SYTL3: variants seen among roughly 807,000 people sequenced by gnomAD.
SYTL3 encodes the protein synaptotagmin-like protein 3.
Under a neutral mutation model 82.1 loss-of-function variants are expected in SYTL3, and 88 were observed. The ratio of observed to expected loss-of-function variants is 1.07; its 90% CI spans 0.90 to 1.28. The LOEUF is 1.28. SYTL3 is among the 50% of genes most tolerant of loss of function. The pLI, the probability that SYTL3 is intolerant of heterozygous loss-of-function variation, is 0.00. For synonymous variants in SYTL3, 311 were observed against 289.4 expected (o/e 1.07, Z -0.76); for missense variants, 831 against 757.6 (o/e 1.10, Z -1.14).
intron 3 of SYTL3, among the ~76,000 whole-genome samples, chr6:158,661,792 G>A (rs1279781622): frequency 6.6e-6 from 1 of 152,164 alleles, no homozygotes; most frequent in South Asian, 2.1e-4. Context: ...CATACCACAT[G>A]ATATGTTGTA....
At chr6:158,696,848 A>G (rs1486027154) in intron 6 of SYTL3, among the ~76,000 whole-genome samples, 1 of 152,194 alleles carries the variant, frequency 6.6e-6, no homozygotes, top group African/African-American at 2.4e-5. Flanking sequence ...GGAATAGAAT[A>G]GAAAGCCTAG....
chr6:158,760,801 T>G (rs1004416578), intron 15 of SYTL3, 56 bp downstream of exon 15: 1 of 1,392,002 alleles, frequency 7.2e-7, no homozygotes. Context: ...CAGAGCCTGG[T>G]GCTGCAGGCA....
chr6:158,662,452 C>T lies in SYTL3; in HGVS notation c.-519-298C>T, dbSNP rs533558842. Among the ~76,000 whole-genome samples, 23 of 152,204 alleles carry T rather than the reference C, an allele frequency of 1.5e-4. No homozygotes were observed. The South Asian group carries it at 4.1e-3, about 27-fold the overall frequency. On this transcript the variant is annotated intron_variant, in intron 3 of 17. Coordinates refer to ENST00000611299, the MANE Select transcript of SYTL3 (RefSeq NM_001242394.2). The stretch of plus-strand genomic sequence containing the variant: ...AGTTAATGGTAAAAATAATAGCCAA[C>T]AGTTGGGAATGTCATTTTTCCAGTA...
intron 11 of SYTL3, among the ~76,000 whole-genome samples, chr6:158,740,720 G>T (rs148101653): frequency 1.3e-5 from 2 of 152,150 alleles, no homozygotes; most frequent in African/African-American, 4.8e-5. Context: ...GAAAAACTGG[G>T]ATAATTTGAG....
At chr6:158,702,801 A>C (rs1295333514) in intron 6 of SYTL3, among the ~76,000 whole-genome samples, 1 of 151,350 alleles carries the variant, frequency 6.6e-6, no homozygotes, top group African/African-American at 2.4e-5. Context: ...CCGTTTTGTC[A>C]CTTGTAGACG....
chr6:158,653,791 G>C (rs138944161), intron 2 of SYTL3, among the ~76,000 whole-genome samples: 1 of 152,174 alleles, frequency 6.6e-6, no homozygotes, highest in Non-Finnish European at 1.5e-5. Flanking sequence ...ACATTCACAC[G>C]CACTCATGCT....
At chr6:158,736,696 G>A (rs1786218557) in intron 11 of SYTL3, among the ~76,000 whole-genome samples, 1 of 151,244 alleles carries the variant, frequency 6.6e-6, no homozygotes, top group African/African-American at 2.4e-5. Flanking sequence ...GCTGAGGCAG[G>A]AGAAATGCTT....
At chr6:158,712,872 C>T (rs35888360) in intron 8 of SYTL3, among the ~76,000 whole-genome samples, 26,615 of 151,516 alleles carry the variant, frequency 0.18, 2,968 homozygotes, top group Non-Finnish European at 0.25. Context: ...CATTCTCCTG[C>T]CTCAGCCTCC....
At chr6:158,704,342 C>T (rs1198314423) in intron 6 of SYTL3, among the ~76,000 whole-genome samples, 1 of 152,340 alleles carries the variant, frequency 6.6e-6, no homozygotes, top group East Asian at 1.9e-4. Flanking sequence ...TGACCCAGGC[C>T]CCGCCTGTGC....
intron 5 of SYTL3, among the ~76,000 whole-genome samples, chr6:158,670,006 T>C (rs184651889): frequency 1.6e-4 from 24 of 152,346 alleles, no homozygotes; most frequent in Admixed American, 4.6e-4. Flanking sequence ...GGACTTAAGA[T>C]GTAAAGATAT....
intron 6 of SYTL3, among the ~76,000 whole-genome samples, chr6:158,694,103 T>A (rs753643412): frequency 1.9e-4 from 29 of 152,126 alleles, no homozygotes; most frequent in Non-Finnish European, 3.1e-4. Flanking sequence ...GTCTTGGTAG[T>A]GTTTTCCCAG....
chr6:158,688,077 A>G (rs1307290399), intron 6 of SYTL3, among the ~76,000 whole-genome samples: 1 of 152,228 alleles, frequency 6.6e-6, no homozygotes, highest in South Asian at 2.1e-4. Flanking sequence ...AACTTGGCAT[A>G]AACATTTTCC....
At chr6:158,758,608 A>G (rs1226769395) in intron 14 of SYTL3, among the ~76,000 whole-genome samples, 1 of 152,040 alleles carries the variant, frequency 6.6e-6, no homozygotes, top group African/African-American at 2.4e-5. Context: ...GAAGCTTCTC[A>G]GGTTTCAGCT....
chr6:158,692,803 T>C (rs1466835657), intron 6 of SYTL3, among the ~76,000 whole-genome samples: 3 of 149,512 alleles, frequency 2.0e-5, no homozygotes. Context: ...TACAAAAAAT[T>C]AGACGGGCAT....
rs116887719 is a variant in SYTL3, at chr6:158,748,516, G to T, written c.1034+2858G>T. 7.6e-3 allele frequency among the ~76,000 whole-genome samples: 1,150 copies of T among 152,180 alleles called. 20 individuals carry two copies. Among genetic ancestry groups the T allele is most frequent in the Non-Finnish European group, 7.0e-3 (474 of 67,984 alleles). On this transcript the variant is annotated intron_variant, in intron 12 of 17. Coordinates refer to ENST00000611299, the MANE Select transcript of SYTL3 (RefSeq NM_001242394.2). Reference sequence around the variant, plus strand: ...GCAGTGCTTATATTTAAAAGAAAAAGACTTAAAATGAATTATTTAAACCTC... The same window carrying T: ...GCAGTGCTTATATTTAAAAGAAAAATACTTAAAATGAATTATTTAAACCTC...
At chr6:158,723,959 C>G (rs1784418692) in intron 10 of SYTL3, among the ~76,000 whole-genome samples, 1 of 152,198 alleles carries the variant, frequency 6.6e-6, no homozygotes, top group Non-Finnish European at 1.5e-5. Flanking sequence ...TTCTGTTTAA[C>G]CGTCACCAGC....
At chr6:158,707,304 C>A in intron 7 of SYTL3, 23 bp downstream of exon 7, 1 of 1,612,640 alleles carries the variant, frequency 6.2e-7, no homozygotes, top group Non-Finnish European at 8.5e-7. Context: ...AAGGACAGAC[C>A]GTCCCTGGCC....
intron 17 of SYTL3, among the ~76,000 whole-genome samples, chr6:158,763,992 G>C (rs1434147074): frequency 6.6e-6 from 1 of 152,162 alleles, no homozygotes; most frequent in Non-Finnish European, 1.5e-5. Context: ...TCCCTGACAT[G>C]ATGACAACCA....
At chr6:158,676,340 C>G (rs1778029454) in intron 5 of SYTL3, among the ~76,000 whole-genome samples, 2 of 152,074 alleles carry the variant, frequency 1.3e-5, no homozygotes, top group East Asian at 1.9e-4. Context: ...GCTGGGAAAA[C>G]TGGCTAGCCA....
Sources: gnomAD v4.1 joint callset for allele counts (sites outside exome capture counted in the v4.1 genomes callset) on GRCh38, gnomAD v4.1.1 for gene constraint, MANE v1.5 for transcripts, NCBI Gene and HGNC (gene_info 2026-07-23, HGNC 2026-07-21) for gene names.